The following SCAI variants were observed in gnomAD, a reference collection of about 807,000 sequenced individuals.
The protein encoded by SCAI is suppressor of cancer cell invasion.
Under a neutral mutation model 92.2 loss-of-function variants are expected in SCAI, and 24 were observed. The observed-to-expected ratio is 0.26, with a 90% CI of 0.19 to 0.37. The LOEUF is 0.37. Ranked by LOEUF, SCAI falls within the 10% of genes least tolerant of loss-of-function variation. The pLI is 1.00. For synonymous variants in SCAI, 261 were observed against 258.6 expected (o/e 1.01, Z -0.09); for missense variants, 450 against 736.2 (o/e 0.61, Z 4.50).
chr9:125,011,922 A>G (rs1832649116), intron 9 of SCAI, among the ~76,000 whole-genome samples: 1 of 152,206 alleles, frequency 6.6e-6, no homozygotes, highest in African/African-American at 2.4e-5. Context: ...TTTCATATCC[A>G]GCCAAACTAA....
At chr9:125,001,072 T>G (rs989980461) in intron 12 of SCAI, among the ~76,000 whole-genome samples, 1 of 152,186 alleles carries the variant, frequency 6.6e-6, no homozygotes, top group Admixed American at 6.5e-5. Flanking sequence ...GTACTAACAT[T>G]ATTACAAAAA....
At chr9:124,967,777 C>T (rs770568078) in intron 17 of SCAI, among the ~76,000 whole-genome samples, 1 of 152,174 alleles carries the variant, frequency 6.6e-6, no homozygotes. Flanking sequence ...ATTGTCTTCC[C>T]ATGTGAATTG....
intron 9 of SCAI, among the ~76,000 whole-genome samples, chr9:125,010,488 C>T (rs985549121): frequency 6.6e-6 from 1 of 152,204 alleles, no homozygotes; most frequent in African/African-American, 2.4e-5. Context: ...GAGGGGTACC[C>T]GCCATTGCCC....
At chr9:125,018,163 T>G (rs866269288) in intron 9 of SCAI, among the ~76,000 whole-genome samples, 5 of 152,134 alleles carry the variant, frequency 3.3e-5, no homozygotes, top group Middle Eastern at 3.4e-3. Context: ...GGTGTGATCT[T>G]GGCTCACTCC....
At chr9:125,107,483 G>C (rs1050963623) in intron 2 of SCAI, among the ~76,000 whole-genome samples, 1 of 151,984 alleles carries the variant, frequency 6.6e-6, no homozygotes, top group Non-Finnish European at 1.5e-5. Context: ...TTAAGAACCA[G>C]AGCCAGGCAA....
In SCAI at chr9:125,026,852, T is replaced by C; in HGVS notation, c.472A>G (p.Arg158Gly). The change falls in exon 6 of 18, where the codon AGA becomes GGA. Residue 158 changes from arginine to glycine, a missense_variant. Physicochemically the swap from Arg to Gly is moderately radical, Grantham distance 125. Transcript: ENST00000336505. ...NEAFSFYSAI[R>G]QRSYYSQVNK... is the part of the protein sequence containing the mutation. Reference sequence around the variant, plus strand: ...ACTTGAGAATAATATGATCTCTGTCTGATTGCAGAATAGAAGGAAAAAGCC... The same window carrying C: ...ACTTGAGAATAATATGATCTCTGTCCGATTGCAGAATAGAAGGAAAAAGCC... 6.2e-7 allele frequency: 1 copy of C among 1,606,476 alleles called. No homozygotes were observed. Among genetic ancestry groups the C allele is most frequent in the East Asian group, 2.2e-5 (1 of 44,812 alleles).
intron 2 of SCAI, among the ~76,000 whole-genome samples, chr9:125,112,434 A>G (rs1307886438): frequency 6.6e-6 from 1 of 152,248 alleles, no homozygotes; most frequent in Admixed American, 6.5e-5. Flanking sequence ...CATAGTTATT[A>G]TAACTATAGG....
chr9:125,090,721 C>T (rs1588212413), intron 2 of SCAI, among the ~76,000 whole-genome samples: 1 of 152,312 alleles, frequency 6.6e-6, no homozygotes, highest in East Asian at 1.9e-4. Flanking sequence ...GATCTTCCCA[C>T]CTCAGCCTCC....
At chr9:125,116,517 C>G (rs1835050191) in intron 2 of SCAI, among the ~76,000 whole-genome samples, 1 of 152,026 alleles carries the variant, frequency 6.6e-6, no homozygotes, top group Non-Finnish European at 1.5e-5. Context: ...TAACATGAAA[C>G]AGTCACTGAA....
intron 3 of SCAI, among the ~76,000 whole-genome samples, chr9:125,034,063 AAGG>A (rs1833140064): frequency 6.6e-6 from 1 of 152,208 alleles, no homozygotes; most frequent in African/African-American, 2.4e-5. Flanking sequence ...GGAAACCAAC[AAGG>A]AACACTTTAA....
intron 2 of SCAI, among the ~76,000 whole-genome samples, chr9:125,127,007 T>C (rs1466618196): frequency 6.6e-6 from 1 of 152,132 alleles, no homozygotes; most frequent in Non-Finnish European, 1.5e-5. Flanking sequence ...ATGAGTGCCT[T>C]TGGCGGGAGC....
At chr9:125,115,973 T>C (rs1006616547) in intron 2 of SCAI, among the ~76,000 whole-genome samples, 19 of 152,220 alleles carry the variant, frequency 1.2e-4, no homozygotes, top group African/African-American at 4.6e-4. Flanking sequence ...GGTGGGCGGA[T>C]AACCTGAGGT....
At chr9:124,971,975 G>T in intron 15 of SCAI, 131 bp from the exon 16 acceptor site, 1 of 496,302 alleles carries the variant, frequency 2.0e-6, no homozygotes, top group Non-Finnish European at 3.2e-6. Flanking sequence ...ATTCATCAAA[G>T]CAGATTCTTC....
chr9:125,046,134 T>C (rs1833428244), intron 3 of SCAI, among the ~76,000 whole-genome samples: 2 of 133,648 alleles, frequency 1.5e-5, no homozygotes, highest in Admixed American at 8.1e-5. Context: ...CAATTTGCAA[T>C]TGCAAAAATA....
chr9:125,133,493 A>G (rs1280831264), intron 2 of SCAI, among the ~76,000 whole-genome samples: 1 of 152,256 alleles, frequency 6.6e-6, no homozygotes, highest in African/African-American at 2.4e-5. Context: ...AAAGTGAGCA[A>G]AAGATTTGGA....
chr9:124,981,261 T>G (rs559409635), intron 14 of SCAI, among the ~76,000 whole-genome samples: 3 of 152,374 alleles, frequency 2.0e-5, no homozygotes, highest in African/African-American at 7.2e-5. Context: ...TTTTCTGTGA[T>G]TCTCTTGATT....
chr9:124,990,135 T>C (rs375228445), intron 14 of SCAI, among the ~76,000 whole-genome samples: 11 of 151,552 alleles, frequency 7.3e-5, no homozygotes, highest in Admixed American at 6.6e-5. Flanking sequence ...GATCACGCCA[T>C]TGCACTCCAG....
At chr9:124,971,932 T>C in intron 15 of SCAI, 88 bp from the exon 16 acceptor site, 1 of 621,568 alleles carries the variant, frequency 1.6e-6, no homozygotes, top group Non-Finnish European at 2.5e-6. Flanking sequence ...ATACTGATAA[T>C]ATATAAAATT....
At chr9:124,979,846 G>A (rs781316544) in intron 14 of SCAI, among the ~76,000 whole-genome samples, 1 of 151,984 alleles carries the variant, frequency 6.6e-6, no homozygotes, top group Non-Finnish European at 1.5e-5. Context: ...TCGGGTGATC[G>A]AGACCATCCT....
Sources: allele counts gnomAD v4.1 joint callset (sites outside exome capture counted in the v4.1 genomes callset), GRCh38; gene constraint gnomAD v4.1.1; transcripts MANE v1.5; gene names NCBI Gene and HGNC (gene_info 2026-07-23, HGNC 2026-07-21).